ITCH: variants seen among roughly 807,000 people sequenced by gnomAD.
ITCH encodes itchy E3 ubiquitin protein ligase, also known as E3 ubiquitin-protein ligase Itchy homolog.
Under a neutral mutation model 126.8 loss-of-function variants are expected in ITCH, and 28 were observed. The ratio of observed to expected loss-of-function variants is 0.22; its 90% confidence interval spans 0.16 to 0.30. The LOEUF is 0.30. Ranked by LOEUF, ITCH falls within the 10% of genes least tolerant of loss-of-function variation. The pLI is 1.00. For synonymous variants in ITCH, 342 were observed against 340.0 expected (o/e 1.01, Z -0.06); for missense variants, 631 against 1,032.4 (o/e 0.61, Z 5.33).
intron 6 of ITCH, among the ~76,000 whole-genome samples, chr20:34,418,279 GATT>G (rs996369287): frequency 5.3e-5 from 8 of 151,900 alleles, no homozygotes; most frequent in African/African-American, 1.9e-4. Flanking sequence ...TTAACTTCCT[GATT>G]ATAAAATAGG....
intron 2 of ITCH, among the ~76,000 whole-genome samples, chr20:34,390,901 A>G (rs2038467140): frequency 6.6e-6 from 1 of 150,534 alleles, no homozygotes; most frequent in African/African-American, 2.5e-5. Context: ...ACAAGCATCC[A>G]CCACCACGCC....
intron 4 of ITCH, 84 bp downstream of exon 4, chr20:34,408,876 GTTT>G: frequency 7.8e-7 from 1 of 1,273,942 alleles, no homozygotes; most frequent in Non-Finnish European, 1.1e-6. Context: ...TCTCACTTTG[GTTT>G]TTTGTTGTTG....
At chr20:34,452,912 A>G (rs1430763484) in intron 12 of ITCH, among the ~76,000 whole-genome samples, 1 of 152,230 alleles carries the variant, frequency 6.6e-6, no homozygotes, top group Non-Finnish European at 1.5e-5. Context: ...GTTCACCAGT[A>G]TTATTTAATA....
intron 3 of ITCH, among the ~76,000 whole-genome samples, chr20:34,403,946 G>A (rs964904589): frequency 1.3e-5 from 2 of 152,164 alleles, no homozygotes; most frequent in Non-Finnish European, 2.9e-5. Context: ...GAGGCTGGAA[G>A]GGTAAGTTAT....
At chr20:34,454,109 C>G (rs1367073663) in intron 12 of ITCH, among the ~76,000 whole-genome samples, 1 of 151,920 alleles carries the variant, frequency 6.6e-6, no homozygotes, top group East Asian at 1.9e-4. Context: ...TTAACAAGAG[C>G]AAGCTGTAAC....
At chr20:34,430,785 T>C (rs568958095) in intron 7 of ITCH, among the ~76,000 whole-genome samples, 1 of 152,264 alleles carries the variant, frequency 6.6e-6, no homozygotes, top group South Asian at 2.1e-4. Context: ...GCCTAAAATA[T>C]TTGAACAGGA....
chr20:34,431,428 A>G (rs1203217269), intron 7 of ITCH, among the ~76,000 whole-genome samples: 1 of 151,968 alleles, frequency 6.6e-6, no homozygotes, highest in African/African-American at 2.4e-5. Context: ...AAAAGGAAGA[A>G]AGGGAGGGCC....
intron 3 of ITCH, among the ~76,000 whole-genome samples, chr20:34,400,009 G>C (rs914242598): frequency 2.0e-5 from 3 of 151,846 alleles, no homozygotes; most frequent in African/African-American, 7.3e-5. Flanking sequence ...CGTGATCTTG[G>C]CTCACTGCAA....
intron 20 of ITCH, among the ~76,000 whole-genome samples, chr20:34,485,821 T>A (rs1989065722): frequency 6.6e-6 from 1 of 152,202 alleles, no homozygotes; most frequent in Non-Finnish European, 1.5e-5. Flanking sequence ...TAGCTGGGAC[T>A]GTAGGCACAA....
At position 34,424,535 on chromosome 20, in the gene ITCH, C is replaced by A; in HGVS notation, c.521+10C>A. ...CCAAGGATGAAACAAGGTAAGCATT[C>A]ACTGATTGCTTACCACAGAATGCGG... On this transcript the variant is annotated intron_variant, in intron 7 of 24. Transcript: ENST00000374864. 1.9e-6 allele frequency: 3 copies of A among 1,607,608 alleles called. No individual in the cohort carries two copies. The highest frequency in any genetic ancestry group is 1.7e-4 in the Middle Eastern group (1 of 6,048).
chr20:34,495,826 G>T (rs1341250450), intron 23 of ITCH, among the ~76,000 whole-genome samples: 3 of 150,948 alleles, frequency 2.0e-5, no homozygotes. Flanking sequence ...TGGATCATAT[G>T]GTTGTTGGGC....
At chr20:34,479,399 C>G (rs779980442) in intron 17 of ITCH, among the ~76,000 whole-genome samples, 18 of 152,080 alleles carry the variant, frequency 1.2e-4, no homozygotes, top group Non-Finnish European at 2.5e-4. Context: ...GCAATGTTGT[C>G]TTAGATTTTT....
At chr20:34,420,891 G>A (rs897836117) in intron 6 of ITCH, among the ~76,000 whole-genome samples, 1 of 152,274 alleles carries the variant, frequency 6.6e-6, no homozygotes, top group South Asian at 2.1e-4. Flanking sequence ...CTAGTTGCTA[G>A]GGTGTACCAC....
intron 2 of ITCH, among the ~76,000 whole-genome samples, chr20:34,393,414 A>C (rs1200795191): frequency 6.6e-6 from 1 of 152,190 alleles, no homozygotes. Context: ...GGACTGGGTA[A>C]TATCCTCAAG....
Position 34,445,449 on chromosome 20 carries a change from A to G in ITCH, c.1128A>G (p.Arg376=), listed in dbSNP as rs750273331. 3 of 1,613,894 alleles carry G rather than the reference A, an allele frequency of 1.9e-6. No individual in the cohort carries two copies. Among genetic ancestry groups the G allele is most frequent in the Middle Eastern group, 3.3e-4 (2 of 6,062 alleles). ...LQGAMQQFNQ[R]FIYGNQDLFA... is the part of the protein sequence containing the mutation. ...GAGCAATGCAGCAGTTTAACCAGAG[A>G]TTCATTTATGGGGTGAGCAGCCTGT... is the stretch of plus-strand genomic sequence containing the variant. The change falls in exon 11 of 25, where the codon AGA becomes AGG. Residue 376 remains arginine (R), a synonymous_variant. Transcript: ENST00000374864.
intron 13 of ITCH, among the ~76,000 whole-genome samples, chr20:34,461,138 G>C (rs1986465242): frequency 6.6e-6 from 1 of 152,164 alleles, no homozygotes. Flanking sequence ...AGGAAGTGCT[G>C]AGTGGCCTAC....
At chr20:34,425,527 G>A (rs992803035) in intron 7 of ITCH, among the ~76,000 whole-genome samples, 1 of 152,214 alleles carries the variant, frequency 6.6e-6, no homozygotes, top group African/African-American at 2.4e-5. Flanking sequence ...ATGTCGGGGT[G>A]TAAAGCCAAC....
At chr20:34,399,882 A>G (rs1204607735) in intron 3 of ITCH, among the ~76,000 whole-genome samples, 1 of 151,932 alleles carries the variant, frequency 6.6e-6, no homozygotes, top group Non-Finnish European at 1.5e-5. Flanking sequence ...CATCCTCTAT[A>G]GTGGCTGGGA....
At chr20:34,491,481 G>A (rs1481400579) in intron 22 of ITCH, among the ~76,000 whole-genome samples, 6 of 152,174 alleles carry the variant, frequency 3.9e-5, no homozygotes, top group Admixed American at 3.9e-4. Context: ...GGCGATGGTT[G>A]CACAACAGTG....
Sources: gnomAD v4.1 joint callset for allele counts (sites outside exome capture counted in the v4.1 genomes callset) on GRCh38, gnomAD v4.1.1 for gene constraint, MANE v1.5 for transcripts, NCBI Gene and HGNC (gene_info 2026-07-23, HGNC 2026-07-21) for gene names.